The following PARP11 variants were observed in gnomAD, a reference collection of about 807,000 sequenced individuals.
The protein encoded by PARP11 is poly(ADP-ribose) polymerase family member 11, also known as protein mono-ADP-ribosyltransferase PARP11.
A neutral mutation model predicts 42.9 loss-of-function variants in PARP11; 31 were observed. The ratio of observed to expected loss-of-function variants is 0.72; its 90% CI spans 0.54 to 0.98. The LOEUF (loss-of-function observed/expected upper bound fraction) is 0.98. Among genes scored for constraint, PARP11 ranks in the 50% least tolerant of loss-of-function variants. PARP11 has a pLI of 0.00. For synonymous variants in PARP11, 137 were observed against 127.3 expected (o/e 1.08, Z -0.51); for missense variants, 365 against 413.1 (o/e 0.88, Z 1.01).
At chr12:3,832,667 T>A (rs1947669087) in intron 1 of PARP11, among the ~76,000 whole-genome samples, 1 of 152,254 alleles carries the variant, frequency 6.6e-6, no homozygotes, top group Non-Finnish European at 1.5e-5. Context: ...CAAATTTAAA[T>A]TAATAACTTT....
chr12:3,865,952 G>C (rs961334456), intron 1 of PARP11, among the ~76,000 whole-genome samples: 1 of 150,324 alleles, frequency 6.7e-6, no homozygotes, highest in African/African-American at 2.4e-5. Context: ...TTCAGATTGA[G>C]TGCTTTTAGG....
At chr12:3,859,555 C>G (rs1159596211) in intron 1 of PARP11, among the ~76,000 whole-genome samples, 2 of 119,308 alleles carry the variant, frequency 1.7e-5, no homozygotes, top group Non-Finnish European at 3.6e-5. Context: ...GAGTGAGACT[C>G]TGCTAAAAAA....
intron 1 of PARP11, among the ~76,000 whole-genome samples, chr12:3,867,644 G>C (rs1003369555): frequency 6.6e-6 from 1 of 152,212 alleles, no homozygotes; most frequent in Admixed American, 6.5e-5. Context: ...TTGCTAGGAT[G>C]TGATTCCTTC....
chr12:3,820,058 T>G (rs570417683), intron 6 of PARP11, among the ~76,000 whole-genome samples: 2 of 152,168 alleles, frequency 1.3e-5, no homozygotes, highest in African/African-American at 4.8e-5. Context: ...CAAAGGTGGA[T>G]GGGTCCCCTC....
chr12:3,848,366 A>G (rs530370607), intron 1 of PARP11, among the ~76,000 whole-genome samples: 51 of 152,306 alleles, frequency 3.3e-4, no homozygotes, highest in Middle Eastern at 3.4e-3. Context: ...AATCTTGAGC[A>G]AAAATAAGGC....
At chr12:3,812,803 G>A (rs1947210845) in intron 7 of PARP11, among the ~76,000 whole-genome samples, 1 of 151,954 alleles carries the variant, frequency 6.6e-6, no homozygotes, top group Non-Finnish European at 1.5e-5. Context: ...CCTGAGTTTT[G>A]TTTTGTTCTG....
chr12:3,813,415 G>A (rs1947222563), intron 7 of PARP11, among the ~76,000 whole-genome samples: 1 of 152,046 alleles, frequency 6.6e-6, no homozygotes, highest in South Asian at 2.1e-4. Flanking sequence ...ACTCGATAAA[G>A]CAGCCAACTC....
chr12:3,811,910 A>G lies in PARP11; in HGVS notation c.*213T>C, dbSNP rs1591754041. 2 of 528,138 alleles carry G rather than the reference A, an allele frequency of 3.8e-6. No individual in the cohort carries two copies. Among genetic ancestry groups the G allele is most frequent in the East Asian group, 6.1e-5 (2 of 32,776 alleles). The allele number at this position is 528,138 out of a possible 1,614,324, so 32.7% of individuals were successfully genotyped here. A position where few individuals can be genotyped will look rare whatever the true frequency, so the allele number is the denominator to read the frequency against. ...ATGTGTTAAAACATCAATGATATCA[A>G]CTTTTAACAAACAAGACTACAAGAA... On this transcript the variant is annotated 3_prime_UTR_variant, in exon 8 of 8. Coordinates refer to ENST00000228820, the MANE Select transcript of PARP11 (RefSeq NM_020367.6).
chr12:3,857,513 A>G (rs1227688327), intron 1 of PARP11, among the ~76,000 whole-genome samples: 1 of 152,206 alleles, frequency 6.6e-6, no homozygotes, highest in African/African-American at 2.4e-5. Context: ...TAAGGATGCC[A>G]AAGACAGAAT....
intron 1 of PARP11, among the ~76,000 whole-genome samples, chr12:3,844,786 A>G (rs1403111449): frequency 6.6e-6 from 1 of 152,204 alleles, no homozygotes; most frequent in African/African-American, 2.4e-5. Flanking sequence ...GAATAAAAGA[A>G]CTGACTTTTG....
intron 1 of PARP11, among the ~76,000 whole-genome samples, chr12:3,835,291 G>T (rs1206551521): frequency 6.6e-6 from 1 of 152,180 alleles, no homozygotes. Context: ...CAGGTTAAGA[G>T]GGGAAAAGTC....
chr12:3,859,559 TAAA>T (rs59321607), intron 1 of PARP11, among the ~76,000 whole-genome samples: 19 of 112,462 alleles, frequency 1.7e-4, no homozygotes, highest in Admixed American at 4.4e-4. Context: ...GAGACTCTGC[TAAA>T]AAAAAAAAAA....
At chr12:3,843,155 TTC>T (rs1334045581) in intron 1 of PARP11, among the ~76,000 whole-genome samples, 22 of 152,362 alleles carry the variant, frequency 1.4e-4, no homozygotes, top group Middle Eastern at 3.4e-3. Flanking sequence ...TTGTATATAG[TTC>T]TTTTAATATT....
intron 1 of PARP11, chr12:3,842,308 A>G: frequency 1.2e-6 from 2 of 1,604,874 alleles, no homozygotes; most frequent in Non-Finnish European, 1.7e-6. Context: ...CTATAATCAA[A>G]CTTATGGGAG....
chr12:3,831,657 C>T (rs1181529136), intron 1 of PARP11, among the ~76,000 whole-genome samples: 1 of 152,070 alleles, frequency 6.6e-6, no homozygotes, highest in Non-Finnish European at 1.5e-5. Flanking sequence ...TCAAGCAATG[C>T]TTTATGATTA....
intron 4 of PARP11, among the ~76,000 whole-genome samples, chr12:3,825,618 A>C (rs1195922493): frequency 6.6e-6 from 1 of 152,242 alleles, no homozygotes; most frequent in Non-Finnish European, 1.5e-5. Flanking sequence ...AGAATTAAAA[A>C]ATGTAAATAT....
chr12:3,871,161 A>C (rs182626128), intron 1 of PARP11, among the ~76,000 whole-genome samples: 7 of 152,338 alleles, frequency 4.6e-5, no homozygotes, highest in Admixed American at 4.6e-4. Flanking sequence ...ACTTATCTGG[A>C]AATATATTCC....
At position 3,812,443 on chromosome 12, in the gene PARP11, A is replaced by G. The variant is rs777086765; in HGVS notation, c.701-4T>C. ...GCATCTCTAGCAAAATAGGTTCCTT[A>G]AACAAAGAGGACCAAGAAAAGCCAA... On this transcript the variant is annotated splice_polypyrimidine_tract_variant and splice_region_variant and intron_variant, in intron 7 of 7. Transcript: ENST00000228820. 4 of 1,596,222 alleles carry G rather than the reference A, an allele frequency of 2.5e-6. No homozygotes were observed. Among genetic ancestry groups the G allele is most frequent in the South Asian group, 1.1e-5 (1 of 87,946 alleles).
chr12:3,869,663 C>T lies in PARP11; in HGVS notation c.18+3549G>A, dbSNP rs186494017. On this transcript the variant is annotated intron_variant, in intron 1 of 7. Transcript: ENST00000228820. Reference sequence around the variant, plus strand: ...CAGATCTCTATAAAAGTTACTTTCACAGGGTGGCCTTTCCTGATTGCCCAG... The same window carrying T: ...CAGATCTCTATAAAAGTTACTTTCATAGGGTGGCCTTTCCTGATTGCCCAG... Among the ~76,000 whole-genome samples, 4 of 152,370 alleles carry T rather than the reference C, an allele frequency of 2.6e-5. No individual in the cohort carries two copies. In the East Asian group the frequency reaches 7.7e-4, roughly 29 times the overall value.
Sources: gnomAD v4.1 joint callset for allele counts (sites outside exome capture counted in the v4.1 genomes callset) on GRCh38, gnomAD v4.1.1 for gene constraint, MANE v1.5 for transcripts, NCBI Gene and HGNC (gene_info 2026-07-23, HGNC 2026-07-21) for gene names.